MBD5: variants seen among roughly 807,000 people sequenced by gnomAD.
MBD5 encodes the protein methyl-CpG binding domain protein 5, also known as methyl-CpG-binding domain protein 5.
A neutral mutation model predicts 117.3 loss-of-function variants in MBD5; 13 were observed. The ratio of observed to expected loss-of-function variants is 0.11; its 90% CI spans 0.07 to 0.18. The LOEUF is 0.18. Among genes scored for constraint, MBD5 ranks in the 10% least tolerant of loss-of-function variants. The pLI is 1.00. For synonymous variants in MBD5, 727 were observed against 766.4 expected (o/e 0.95, Z 0.85); for missense variants, 1,879 against 2,093.8 (o/e 0.90, Z 2.00).
intron 1 of MBD5, among the ~76,000 whole-genome samples, chr2:148,037,697 C>G (rs867981299): frequency 2.0e-5 from 3 of 151,896 alleles, no homozygotes; most frequent in Non-Finnish European, 4.4e-5. Context: ...AATGCATTTA[C>G]AGAAAGTCCC....
At chr2:148,353,050 G>T (rs1703283793) in intron 4 of MBD5, among the ~76,000 whole-genome samples, 1 of 151,992 alleles carries the variant, frequency 6.6e-6, no homozygotes, top group African/African-American at 2.4e-5. Flanking sequence ...ATCTCCTGAG[G>T]ATAGAGAAAT....
chr2:148,117,772 T>C (rs1696676328), intron 1 of MBD5, among the ~76,000 whole-genome samples: 1 of 152,208 alleles, frequency 6.6e-6, no homozygotes, highest in Admixed American at 6.6e-5. Context: ...GATTATCTCA[T>C]TTAATTCTTG....
At chr2:148,230,912 G>A (rs975027138) in intron 2 of MBD5, among the ~76,000 whole-genome samples, 1 of 152,158 alleles carries the variant, frequency 6.6e-6, no homozygotes, top group Non-Finnish European at 1.5e-5. Context: ...GGCTGAGCTG[G>A]TATCCAAGAT....
At chr2:148,133,712 A>C (rs1330516958) in intron 1 of MBD5, among the ~76,000 whole-genome samples, 1 of 152,158 alleles carries the variant, frequency 6.6e-6, no homozygotes, top group Non-Finnish European at 1.5e-5. Flanking sequence ...AATCCCAGCT[A>C]CTTGGGAGGC....
intron 2 of MBD5, among the ~76,000 whole-genome samples, chr2:148,182,723 C>T (rs1698559109): frequency 6.6e-6 from 1 of 152,212 alleles, no homozygotes; most frequent in African/African-American, 2.4e-5. Flanking sequence ...GCTTCTTCCA[C>T]TCCCCTTCCA....
At chr2:148,409,761 G>C (rs1237512654) in intron 4 of MBD5, among the ~76,000 whole-genome samples, 5 of 152,056 alleles carry the variant, frequency 3.3e-5, no homozygotes, top group Non-Finnish European at 4.4e-5. Context: ...ACCATCTATA[G>C]ATACTCAAAT....
chr2:148,070,236 CATA>C (rs557392578), intron 1 of MBD5, among the ~76,000 whole-genome samples: 1 of 152,304 alleles, frequency 6.6e-6, no homozygotes, highest in South Asian at 2.1e-4. Context: ...CTTCACTTAA[CATA>C]ATAACCTCCA....
chr2:148,199,153 TTTC>T (rs550835343), intron 2 of MBD5, among the ~76,000 whole-genome samples: 443 of 152,258 alleles, frequency 2.9e-3, no homozygotes, highest in Non-Finnish European at 4.9e-3. Context: ...TGAAGCAAAA[TTTC>T]TTCTTCAAGT....
At chr2:148,200,299 G>A (rs16828407) in intron 2 of MBD5, among the ~76,000 whole-genome samples, 1,873 of 152,136 alleles carry the variant, frequency 0.012, 44 homozygotes, top group African/African-American at 0.043. Flanking sequence ...TCTAATAGAG[G>A]TACTTTCTCA....
chr2:148,093,550 A>G (rs1695993317), intron 1 of MBD5, among the ~76,000 whole-genome samples: 1 of 152,220 alleles, frequency 6.6e-6, no homozygotes, highest in Admixed American at 6.5e-5. Flanking sequence ...ATTCATTATT[A>G]TACTGGGTAT....
chr2:148,460,263 T>C (rs1244772035), intron 5 of MBD5: 1 of 152,080 alleles, frequency 6.6e-6, no homozygotes, highest in African/African-American at 2.4e-5. Flanking sequence ...CCAAAGTAAA[T>C]CTGGGAGTCA....
At chr2:148,188,867 T>A (rs1698745554) in intron 2 of MBD5, among the ~76,000 whole-genome samples, 1 of 151,184 alleles carries the variant, frequency 6.6e-6, no homozygotes, top group Non-Finnish European at 1.5e-5. Flanking sequence ...CACTAGGGAG[T>A]GCCAGACAGT....
At chr2:148,061,913 A>G (rs1471433316) in intron 1 of MBD5, among the ~76,000 whole-genome samples, 1 of 150,162 alleles carries the variant, frequency 6.7e-6, no homozygotes, top group East Asian at 1.9e-4. Flanking sequence ...AATATTTCCC[A>G]TGGGTTTTTT....
At chr2:148,230,384 A>G (rs1558982666) in intron 2 of MBD5, among the ~76,000 whole-genome samples, 2 of 152,134 alleles carry the variant, frequency 1.3e-5, no homozygotes, top group African/African-American at 2.4e-5. Flanking sequence ...TTAAGGCCCA[A>G]GGGCTCTTCA....
At chr2:148,195,519 A>G (rs1698961096) in intron 2 of MBD5, among the ~76,000 whole-genome samples, 1 of 152,204 alleles carries the variant, frequency 6.6e-6, no homozygotes, top group Non-Finnish European at 1.5e-5. Context: ...CAATAAGAAA[A>G]TAGAAACCTT....
intron 4 of MBD5, among the ~76,000 whole-genome samples, chr2:148,407,367 TG>T (rs869047067): frequency 3.3e-5 from 5 of 151,714 alleles, no homozygotes; most frequent in African/African-American, 4.8e-5. Context: ...TGTGTGTGTG[TG>T]TTTGTGTGTG....
At chr2:148,203,207 T>G (rs1251473150) in intron 2 of MBD5, among the ~76,000 whole-genome samples, 1 of 151,942 alleles carries the variant, frequency 6.6e-6, no homozygotes, top group East Asian at 1.9e-4. Context: ...AAGGCACTAA[T>G]GAAATTAAAA....
Position 148,516,577 on chromosome 2 carries a change from A to C in MBD5, c.*3636A>C, listed in dbSNP as rs769516487. ...ATTTGCATTAGCCAAAGAGATAAGA[A>C]CATTAGTAATTCATATGTGTAAACA... On this transcript the variant is annotated 3_prime_UTR_variant, in exon 14 of 14. Coordinates refer to ENST00000642680, the MANE Select transcript of MBD5 (RefSeq NM_001378120.1). 1.3e-5 allele frequency: 2 copies of C among 152,244 alleles called. No homozygotes were observed. Among genetic ancestry groups the C allele is most frequent in the Non-Finnish European group, 2.9e-5 (2 of 68,038 alleles). The allele number at this position is 152,244 out of a possible 1,614,324, so 9.4% of individuals were successfully genotyped here.
intron 4 of MBD5, among the ~76,000 whole-genome samples, chr2:148,429,321 G>A (rs1705909710): frequency 6.6e-6 from 1 of 152,156 alleles, no homozygotes; most frequent in Non-Finnish European, 1.5e-5. Flanking sequence ...CAGTTAGAAT[G>A]GTGTTCATTA....
Sources: gnomAD v4.1 joint callset for allele counts (sites outside exome capture counted in the v4.1 genomes callset) on GRCh38, gnomAD v4.1.1 for gene constraint, MANE v1.5 for transcripts, NCBI Gene and HGNC (gene_info 2026-07-23, HGNC 2026-07-21) for gene names.